Variants in SNX7 observed in about 807,000 individuals in gnomAD.
SNX7 encodes sorting nexin-7.
In SNX7, 35 loss-of-function variants were observed where a neutral mutation model predicts 48.4. The observed-to-expected ratio is 0.72, with a 90% confidence interval of 0.55 to 0.96. The LOEUF is 0.96. SNX7 is among the 40% of genes least tolerant of loss of function. The pLI, the probability that SNX7 is intolerant of heterozygous loss-of-function variation, is 0.00. For missense variants in SNX7, 553 were observed against 548.9 expected (o/e 1.01, Z -0.07); for synonymous variants, 190 against 190.2 (o/e 1.00, Z 0.01).
chr1:98,725,118 C>T (rs1415355480), intron 7 of SNX7, among the ~76,000 whole-genome samples: 2 of 152,140 alleles, frequency 1.3e-5, no homozygotes, highest in Non-Finnish European at 2.9e-5. Context: ...AATGCAAACT[C>T]AAAATTTCTT....
chr1:98,707,086 T>A (rs1652050487), intron 7 of SNX7, among the ~76,000 whole-genome samples: 1 of 152,156 alleles, frequency 6.6e-6, no homozygotes, highest in African/African-American at 2.4e-5. Flanking sequence ...GAGCCTTTAC[T>A]TTATCCTGTC....
chr1:98,724,547 A>C (rs1008601642), intron 7 of SNX7, among the ~76,000 whole-genome samples: 1 of 152,096 alleles, frequency 6.6e-6, no homozygotes, highest in Admixed American at 6.6e-5. Context: ...TATTGGAAAG[A>C]CTCTAAATTT....
intron 1 of SNX7, among the ~76,000 whole-genome samples, chr1:98,683,553 C>T (rs1650618395): frequency 6.6e-6 from 1 of 151,966 alleles, no homozygotes; most frequent in South Asian, 2.1e-4. Flanking sequence ...TATAAAGGAC[C>T]CCAGAGAGAC....
intron 8 of SNX7, among the ~76,000 whole-genome samples, chr1:98,753,205 C>G (rs547685589): frequency 6.6e-6 from 1 of 152,120 alleles, no homozygotes; most frequent in Non-Finnish European, 1.5e-5. Flanking sequence ...AATGTTATTT[C>G]TGTTGCTATC....
Position 98,760,263 on chromosome 1 carries a change from A to T in SNX7, c.*132A>T. Reference sequence around the variant, plus strand: ...ACCCATCTGGAAAACCAACAACTTGAAATCTCAGGTATTCCAGGTCACTGA... The same window carrying T: ...ACCCATCTGGAAAACCAACAACTTGTAATCTCAGGTATTCCAGGTCACTGA... On this transcript the variant is annotated 3_prime_UTR_variant, in exon 9 of 9. Coordinates refer to ENST00000306121, the MANE Select transcript of SNX7 (RefSeq NM_015976.5). The T allele has an allele frequency of 1.5e-6, 1 of 663,442 alleles. No homozygotes were observed. Among genetic ancestry groups the T allele is most frequent in the Non-Finnish European group, 2.7e-6 (1 of 375,130 alleles). The allele number at this position is 663,442 out of a possible 1,614,324, so 41.1% of individuals were successfully genotyped here.
chr1:98,731,290 G>A (rs763406995), intron 7 of SNX7, among the ~76,000 whole-genome samples: 1 of 151,852 alleles, frequency 6.6e-6, no homozygotes, highest in Non-Finnish European at 1.5e-5. Flanking sequence ...TGTGCTTATT[G>A]GATTGTATCT....
At chr1:98,663,766 C>T (rs1042518414) in intron 1 of SNX7, among the ~76,000 whole-genome samples, 2 of 152,106 alleles carry the variant, frequency 1.3e-5, no homozygotes, top group African/African-American at 4.8e-5. Flanking sequence ...TAAAAGGGGA[C>T]CTTCCAAACT....
chr1:98,728,411 C>T (rs1339030671), intron 7 of SNX7, among the ~76,000 whole-genome samples: 1 of 152,032 alleles, frequency 6.6e-6, no homozygotes, highest in Admixed American at 6.6e-5. Flanking sequence ...AAATAACCAG[C>T]TAGCATCATG....
chr1:98,690,558 G>C (rs1308699513), intron 2 of SNX7, among the ~76,000 whole-genome samples: 3 of 151,986 alleles, frequency 2.0e-5, no homozygotes, highest in Non-Finnish European at 4.4e-5. Flanking sequence ...TAAAATGTTA[G>C]AATTTTCATA....
At chr1:98,753,274 G>T (rs1654676740) in intron 8 of SNX7, among the ~76,000 whole-genome samples, 1 of 151,998 alleles carries the variant, frequency 6.6e-6, no homozygotes, top group South Asian at 2.1e-4. Flanking sequence ...TCTGCCTCTG[G>T]TATGGAAGAT....
At chr1:98,758,949 ACAT>A (rs1654988479) in intron 8 of SNX7, among the ~76,000 whole-genome samples, 1 of 151,948 alleles carries the variant, frequency 6.6e-6, no homozygotes, top group African/African-American at 2.4e-5. Context: ...ACACACACAC[ACAT>A]AAGTATATAC....
intron 1 of SNX7, among the ~76,000 whole-genome samples, chr1:98,681,603 A>G (rs1398354263): frequency 1.3e-5 from 2 of 152,248 alleles, no homozygotes; most frequent in Non-Finnish European, 2.9e-5. Context: ...AACATTGCCT[A>G]TAAAGTAGCT....
At chr1:98,757,580 T>C (rs1449587230) in intron 8 of SNX7, among the ~76,000 whole-genome samples, 1 of 152,056 alleles carries the variant, frequency 6.6e-6, no homozygotes, top group African/African-American at 2.4e-5. Context: ...ATAGTCACTT[T>C]CTGAGGTACT....
Position 98,698,834 on chromosome 1 carries a change from C to T in SNX7, c.967C>T (p.Arg323Trp), listed in dbSNP as rs150092347. 1.1e-4 allele frequency: 176 copies of T among 1,613,724 alleles called. 1 individual carries two copies. The highest frequency in any genetic ancestry group is 1.3e-4 in the Non-Finnish European group (156 of 1,179,808). ...CAGATGCTGTAAGGCCACTGAAAAGCGGATGTCTGGACTCTCAGAGGCCCT... is the reference window on the plus strand; with the variant it reads ...CAGATGCTGTAAGGCCACTGAAAAGTGGATGTCTGGACTCTCAGAGGCCCT... ...IDRCCKATEK[R>W]MSGLSEALLP... The change falls in exon 6 of 9, where the codon CGG (arginine) becomes TGG (tryptophan). Residue 323 changes from arginine to tryptophan, a missense_variant. Coordinates refer to ENST00000306121, the MANE Select transcript of SNX7 (RefSeq NM_015976.5).
intron 8 of SNX7, among the ~76,000 whole-genome samples, chr1:98,746,355 A>G (rs1654308974): frequency 2.0e-5 from 3 of 152,242 alleles, no homozygotes; most frequent in South Asian, 4.1e-4. Context: ...GAGGATGGCA[A>G]CTTGATAGCC....
chr1:98,664,706 A>G (rs1649444781), intron 1 of SNX7, among the ~76,000 whole-genome samples: 1 of 152,184 alleles, frequency 6.6e-6, no homozygotes. Flanking sequence ...ATGGCAATAT[A>G]AATCAAGAGG....
chr1:98,691,221 T>C (rs375041868), intron 3 of SNX7, 36 bp downstream of exon 3: 207 of 1,360,154 alleles, frequency 1.5e-4, no homozygotes, highest in Non-Finnish European at 2.1e-4. Flanking sequence ...ATAGAATAGC[T>C]ACCAGTTTTC....
intron 2 of SNX7, among the ~76,000 whole-genome samples, chr1:98,685,843 T>C (rs560757009): frequency 3.9e-5 from 6 of 152,272 alleles, no homozygotes; most frequent in African/African-American, 1.4e-4. Flanking sequence ...CCTGAAGATA[T>C]ATATATCTTA....
chr1:98,679,979 C>G (rs536085952), intron 1 of SNX7, among the ~76,000 whole-genome samples: 9 of 152,358 alleles, frequency 5.9e-5, no homozygotes, highest in Admixed American at 4.6e-4. Context: ...AGTAGGGACT[C>G]TGTGTGGGGG....
Sources: allele counts gnomAD v4.1 joint callset (sites outside exome capture counted in the v4.1 genomes callset), GRCh38; gene constraint gnomAD v4.1.1; transcripts MANE v1.5; gene names NCBI Gene and HGNC (gene_info 2026-07-23, HGNC 2026-07-21).